The following COL25A1 variants were observed in gnomAD, a reference collection of about 807,000 sequenced individuals.
COL25A1 encodes collagen type XXV alpha 1 chain, also known as collagen alpha-1(XXV) chain.
COL25A1 carries 103 observed loss-of-function variants against 128.4 expected under a neutral mutation model. The ratio of observed to expected loss-of-function variants is 0.80; its 90% CI spans 0.68 to 0.94. COL25A1 has a LOEUF of 0.94. Among genes scored for constraint, COL25A1 ranks in the 40% least tolerant of loss-of-function variants. The pLI is 0.00. For synonymous variants in COL25A1, 279 were observed against 277.2 expected (o/e 1.01, Z -0.06); for missense variants, 745 against 840.0 (o/e 0.89, Z 1.40).
At chr4:109,230,054 T>C (rs1779062120) in intron 3 of COL25A1, among the ~76,000 whole-genome samples, 4 of 151,980 alleles carry the variant, frequency 2.6e-5, no homozygotes, top group Admixed American at 2.6e-4. Context: ...CCATACTTCG[T>C]GAAAACTCAC....
At chr4:109,047,820 C>T (rs1475272042) in intron 5 of COL25A1, among the ~76,000 whole-genome samples, 1 of 150,944 alleles carries the variant, frequency 6.6e-6, no homozygotes, top group African/African-American at 2.4e-5. Flanking sequence ...GCAAGCTCCA[C>T]CTCCCGGGTT....
At chr4:109,236,897 T>C (rs1422427895) in intron 3 of COL25A1, among the ~76,000 whole-genome samples, 2 of 151,954 alleles carry the variant, frequency 1.3e-5, no homozygotes, top group Admixed American at 6.6e-5. Flanking sequence ...TTTTTGCTCC[T>C]CTAAAAAAAA....
intron 3 of COL25A1, among the ~76,000 whole-genome samples, chr4:109,237,396 G>A (rs1300237238): frequency 6.6e-6 from 1 of 151,978 alleles, no homozygotes; most frequent in African/African-American, 2.4e-5. Flanking sequence ...ATCTTTCAGA[G>A]CTCAACATAT....
At chr4:108,996,923 AC>A (rs1754836921) in intron 6 of COL25A1, among the ~76,000 whole-genome samples, 1 of 152,214 alleles carries the variant, frequency 6.6e-6, no homozygotes, top group Admixed American at 6.5e-5. Context: ...GTTCTTTGAA[AC>A]CAATGAGAAC....
chr4:109,093,588 C>A (rs1765145737), intron 3 of COL25A1, among the ~76,000 whole-genome samples: 1 of 151,702 alleles, frequency 6.6e-6, no homozygotes, highest in Non-Finnish European at 1.5e-5. Context: ...CTGCAATGAG[C>A]TATAATCACA....
chr4:108,808,984 AT>A lies in COL25A1; in HGVS notation c.*4942del, dbSNP rs1207538924. 2.6e-5 allele frequency: 4 copies of A among 152,200 alleles called. No individual in the cohort carries two copies. Among genetic ancestry groups the A allele is most frequent in the Admixed American group, 1.3e-4 (2 of 15,274 alleles). 9.4% of individuals were successfully genotyped at this position (152,200 alleles called of 1,614,324 possible). A position where few individuals can be genotyped will look rare whatever the true frequency, so the allele number is the denominator to read the frequency against. ...ATCTTATGCATCTTTTGATACAGTA[AT>A]GTCAGCTGGAGAAATTACAAGGAAA... is the stretch of plus-strand genomic sequence containing the variant. On this transcript the variant is annotated 3_prime_UTR_variant, in exon 38 of 38. Coordinates refer to ENST00000399132, the MANE Select transcript of COL25A1 (RefSeq NM_198721.4).
chr4:108,961,254 T>C (rs1750643756), intron 8 of COL25A1, among the ~76,000 whole-genome samples: 1 of 152,156 alleles, frequency 6.6e-6, no homozygotes, highest in Non-Finnish European at 1.5e-5. Flanking sequence ...GTGAGTGTAA[T>C]TATGAGTAAG....
chr4:108,852,421 T>G (rs1272746265), intron 25 of COL25A1, 141 bp from the exon 26 acceptor site: 1 of 642,840 alleles, frequency 1.6e-6, no homozygotes. Flanking sequence ...GAGGAAAAAT[T>G]TTACTAGTTA....
chr4:109,270,161 A>C (rs1782093985), intron 3 of COL25A1, among the ~76,000 whole-genome samples: 1 of 152,176 alleles, frequency 6.6e-6, no homozygotes, highest in South Asian at 2.1e-4. Flanking sequence ...AACTGGCACA[A>C]GACAGGGATG....
At chr4:108,872,825 T>C (rs773217876) in intron 19 of COL25A1, among the ~76,000 whole-genome samples, 2 of 152,168 alleles carry the variant, frequency 1.3e-5, no homozygotes, top group African/African-American at 2.4e-5. Flanking sequence ...TTATATTTCA[T>C]AAAACATACT....
chr4:109,223,742 C>T (rs1778588217), intron 3 of COL25A1, among the ~76,000 whole-genome samples: 1 of 152,098 alleles, frequency 6.6e-6, no homozygotes, highest in African/African-American at 2.4e-5. Context: ...TAATAATCAG[C>T]CGATTATTTA....
rs1347204726 is a variant in COL25A1 at position 109,112,222 on chromosome 4, G to C, written c.368-62043C>G. Reference sequence around the variant, plus strand: ...AACTGTTGTTATAGGAGATCTTCGGGATATTTAAATGGGGTGTAAGATTCC... The same window carrying C: ...AACTGTTGTTATAGGAGATCTTCGGCATATTTAAATGGGGTGTAAGATTCC... On this transcript the variant is annotated intron_variant, in intron 3 of 37. Coordinates refer to ENST00000399132, the MANE Select transcript of COL25A1 (RefSeq NM_198721.4). 4.6e-5 allele frequency among the ~76,000 whole-genome samples: 7 copies of C among 152,170 alleles called. No individual in the cohort carries two copies. In the East Asian group the frequency reaches 7.7e-4, roughly 17 times the overall value.
chr4:109,058,484 T>G (rs866089189), intron 3 of COL25A1, among the ~76,000 whole-genome samples: 1 of 152,188 alleles, frequency 6.6e-6, no homozygotes, highest in Non-Finnish European at 1.5e-5. Flanking sequence ...ATGTTTCTAA[T>G]GGAACTGAGA....
chr4:109,173,516 T>C (rs1773785868), intron 3 of COL25A1, among the ~76,000 whole-genome samples: 1 of 152,178 alleles, frequency 6.6e-6, no homozygotes, highest in African/African-American at 2.4e-5. Flanking sequence ...TATAAGAATA[T>C]GCAAAGTTAT....
chr4:109,185,753 C>T (rs956480723), intron 3 of COL25A1, among the ~76,000 whole-genome samples: 4 of 152,026 alleles, frequency 2.6e-5, no homozygotes, highest in Non-Finnish European at 5.9e-5. Context: ...TGCTCTCTCT[C>T]CCTCTCCCTT....
intron 14 of COL25A1, among the ~76,000 whole-genome samples, chr4:108,899,608 C>T (rs553833206): frequency 6.6e-6 from 1 of 152,224 alleles, no homozygotes; most frequent in East Asian, 1.9e-4. Flanking sequence ...GTTCATAGAT[C>T]ATTTCCAGGG....
At chr4:108,920,149 AAAG>A (rs756720898) in intron 12 of COL25A1, among the ~76,000 whole-genome samples, 1 of 152,242 alleles carries the variant, frequency 6.6e-6, no homozygotes, top group Non-Finnish European at 1.5e-5. Context: ...TTACCTCAGC[AAAG>A]AAGGACACCA....
intron 37 of COL25A1, among the ~76,000 whole-genome samples, chr4:108,814,427 T>C (rs1731060882): frequency 6.6e-6 from 1 of 152,202 alleles, no homozygotes; most frequent in African/African-American, 2.4e-5. Context: ...TCCTCCTTCC[T>C]TTTGCAAGCC....
intron 3 of COL25A1, among the ~76,000 whole-genome samples, chr4:109,207,271 T>C (rs1242052301): frequency 2.0e-5 from 3 of 152,154 alleles, no homozygotes; most frequent in African/African-American, 7.2e-5. Flanking sequence ...GTATATGTGA[T>C]ACAGCTGAGT....
Sources: gnomAD v4.1 joint callset for allele counts (sites outside exome capture counted in the v4.1 genomes callset) on GRCh38, gnomAD v4.1.1 for gene constraint, MANE v1.5 for transcripts, NCBI Gene and HGNC (gene_info 2026-07-23, HGNC 2026-07-21) for gene names.